The following STARD8 variants were observed in gnomAD, a reference collection of about 807,000 sequenced individuals.
The protein encoded by STARD8 is StAR related lipid transfer domain containing 8.
Under a neutral mutation model 69.4 loss-of-function variants are expected in STARD8, and 25 were observed. The ratio of observed to expected loss-of-function variants is 0.36; its 90% confidence interval spans 0.26 to 0.50. The LOEUF (loss-of-function observed/expected upper bound fraction) is 0.50, where lower values mean the gene tolerates loss of function less well. STARD8 is among the 20% of genes least tolerant of loss of function. The pLI is 0.96. For missense variants in STARD8, 921 were observed against 932.5 expected, an observed-to-expected ratio of 0.99 and a Z score of 0.16; for synonymous variants, 389 against 374.6, an observed-to-expected ratio of 1.04 and a Z score of -0.45.
chrX:68,652,981 A>C (rs1476801403), intron 1 of STARD8, among the ~76,000 whole-genome samples: 2 of 47,206 alleles, frequency 4.2e-5, no homozygotes, highest in African/African-American at 8.9e-5. Context: ...ACCACACACC[A>C]CACACACACC....
Position 68,718,275 on chromosome X carries a change from C to T in STARD8, c.1361C>T (p.Ala454Val). Reference protein sequence around the residue: ...MEVPAHGESPAWAQAEVQPAV... With the variant: ...MEVPAHGESPVWAQAEVQPAV... ...GTTCCGGCCCATGGAGAGTCCCCAG[C>T]CTGGGCCCAGGCTGAAGTCCAGCCA... is the stretch of plus-strand genomic sequence containing the variant. The change falls in exon 6 of 15, where the codon GCC becomes GTC. Residue 454 changes from alanine (A) to valine (V), a missense_variant. Physicochemically the swap from Ala to Val is moderately conservative, Grantham distance 64. Transcript: ENST00000374599. 1 of 1,211,133 alleles carries T rather than the reference C, an allele frequency of 8.3e-7. No homozygotes were observed.
intron 2 of STARD8, among the ~76,000 whole-genome samples, chrX:68,680,131 G>A (rs999550465): frequency 2.7e-5 from 3 of 111,676 alleles, no homozygotes; most frequent in Admixed American, 9.5e-5. Flanking sequence ...GAACTTCTTC[G>A]AGAACTCAGG....
Position 68,720,403 on chromosome X carries a change from C to A in STARD8, c.2029C>A (p.Arg677Ser), listed in dbSNP as rs752356273. The change falls in exon 8 of 15, where the codon CGC becomes AGC. Residue 677 changes from arginine to serine, a missense_variant. Arg to Ser is a moderately radical substitution (Grantham distance 110). Coordinates refer to ENST00000374599, the MANE Select transcript of STARD8 (RefSeq NM_001142503.3). ...QSIQQAMRYLRSQCLDQVGIF... is the reference protein window; with the variant it reads ...QSIQQAMRYLSSQCLDQVGIF... ...CATTCAGCAAGCCATGCGCTACTTG[C>A]GCAGCCAGTGCCTGGACCAAGTGAG... 1 of 1,185,860 alleles carries A rather than the reference C, an allele frequency of 8.4e-7. No individual in the cohort carries two copies. Among genetic ancestry groups the A allele is most frequent in the Non-Finnish European group, 1.1e-6 (1 of 881,090 alleles).
chrX:68,692,745 G>A (rs1320232295), intron 2 of STARD8, among the ~76,000 whole-genome samples: 1 of 112,695 alleles, frequency 8.9e-6, no homozygotes, highest in Admixed American at 9.3e-5. Context: ...TGTTATCCTA[G>A]CTACTCAGGA....
chrX:68,680,984 A>C (rs946350941), intron 2 of STARD8, among the ~76,000 whole-genome samples: 4 of 111,069 alleles, frequency 3.6e-5, no homozygotes, highest in Non-Finnish European at 7.5e-5. Flanking sequence ...GTTCTATGAC[A>C]TGTCATCTAG....
chrX:68,689,417 CG>C (rs1225670125), intron 2 of STARD8, among the ~76,000 whole-genome samples: 1 of 111,905 alleles, frequency 8.9e-6, no homozygotes, highest in Non-Finnish European at 1.9e-5. Context: ...TGTCATGGCC[CG>C]GGGGGTCTAC....
At chrX:68,679,010 C>G (rs956317698) in intron 2 of STARD8, among the ~76,000 whole-genome samples, 26 of 111,782 alleles carry the variant, frequency 2.3e-4, no homozygotes, top group Admixed American at 3.8e-4. Context: ...TGAACAATGC[C>G]TGGCACATAG....
intron 2 of STARD8, among the ~76,000 whole-genome samples, chrX:68,692,556 G>A (rs146098427): frequency 2.7e-5 from 3 of 112,399 alleles, no homozygotes; most frequent in Non-Finnish European, 5.6e-5. Flanking sequence ...TTAGATGGAT[G>A]CAGTTCCTGC....
chrX:68,649,137 T>A (rs1250379445), intron 1 of STARD8, among the ~76,000 whole-genome samples: 1 of 111,575 alleles, frequency 9.0e-6, no homozygotes, highest in Non-Finnish European at 1.9e-5. Context: ...GAAGGAAAGA[T>A]CCATTCCACC....
chrX:68,681,130 C>T (rs759271326), intron 2 of STARD8, among the ~76,000 whole-genome samples: 1 of 111,332 alleles, frequency 9.0e-6, no homozygotes, highest in Non-Finnish European at 1.9e-5. Flanking sequence ...AAGACTTGGC[C>T]GCAAAGGGCT....
At chrX:68,693,559 C>A in intron 2 of STARD8, 1 of 683,732 alleles carries the variant, frequency 1.5e-6, no homozygotes, top group Non-Finnish European at 1.7e-6. Context: ...GTCCGGTGGG[C>A]CAGACTGCGC....
chrX:68,668,082 T>TTTCTTTC (rs1268414336), intron 2 of STARD8, among the ~76,000 whole-genome samples: 7 of 94,263 alleles, frequency 7.4e-5, no homozygotes, highest in Non-Finnish European at 1.5e-4. Flanking sequence ...TCTTTCTTTC[T>TTTCTTTC]TTCTTTCTTT....
At chrX:68,654,110 G>A (rs1374550385) in intron 1 of STARD8, among the ~76,000 whole-genome samples, 1 of 111,366 alleles carries the variant, frequency 9.0e-6, no homozygotes, top group Non-Finnish European at 1.9e-5. Context: ...GCCCTTGGAG[G>A]TCATCTATTC....
chrX:68,660,756 G>C (rs772776320), intron 1 of STARD8, among the ~76,000 whole-genome samples: 82 of 112,767 alleles, frequency 7.3e-4, no homozygotes, highest in African/African-American at 2.5e-3. Flanking sequence ...GTACGTACAA[G>C]TGGCCAAAGC....
intron 2 of STARD8, among the ~76,000 whole-genome samples, chrX:68,671,203 G>T (rs950569153): frequency 1.8e-5 from 2 of 112,175 alleles, no homozygotes; most frequent in African/African-American, 3.2e-5. Flanking sequence ...TTCCCACCTC[G>T]TTCCTATATT....
rs760647701 is a variant in STARD8, at chrX:68,679,669, C to T, written c.79+14137C>T. On this transcript the variant is annotated intron_variant, in intron 2 of 14. Coordinates refer to ENST00000374599, the MANE Select transcript of STARD8 (RefSeq NM_001142503.3). ...TCATATGCTGCTGGGGCCATGCAGA[C>T]GTCAAGATGAGACAAAGCCCTATCC... 3.1e-4 allele frequency among the ~76,000 whole-genome samples: 35 copies of T among 112,168 alleles called. 1 individual carries two copies. Among genetic ancestry groups the T allele is most frequent in the Admixed American group, 2.3e-3 (24 of 10,614 alleles).
At chrX:68,705,925 G>T (rs963321179) in intron 2 of STARD8, among the ~76,000 whole-genome samples, 1 of 112,545 alleles carries the variant, frequency 8.9e-6, no homozygotes, top group Admixed American at 9.3e-5. Context: ...TTGAGAGAGG[G>T]ATGTTATACA....
chrX:68,722,148 A>G lies in STARD8; in HGVS notation c.2561A>G (p.Lys854Arg), dbSNP rs1163224154. The G allele has an allele frequency of 1.4e-5, 17 of 1,203,548 alleles. No individual in the cohort carries two copies. Among genetic ancestry groups the G allele is most frequent in the Non-Finnish European group, 1.9e-5 (17 of 889,268 alleles). ...QGLSHMISDCKKLFQVPQDMV... is the reference protein window; with the variant it reads ...QGLSHMISDCRKLFQVPQDMV... ...CTGTCGCACATGATCAGTGACTGCA[A>G]GAAACTTTTCCAGGTGAGTAACCCC... is the stretch of plus-strand genomic sequence containing the variant. Residue 854 changes from lysine (K) to arginine (R), a missense_variant, in exon 11 of 15, where the codon AAG (lysine) becomes AGG (arginine). Lys to Arg is a conservative substitution (Grantham distance 26). Transcript: ENST00000374599.
At chrX:68,719,535 G>T in intron 7 of STARD8, 137 bp downstream of exon 7, 1 of 713,216 alleles carries the variant, frequency 1.4e-6, no homozygotes, top group Non-Finnish European at 1.9e-6. Flanking sequence ...CCAGGAGGCT[G>T]GAGGGGCTTG....
Sources: gnomAD v4.1 joint callset for allele counts (sites outside exome capture counted in the v4.1 genomes callset) on GRCh38, gnomAD v4.1.1 for gene constraint, MANE v1.5 for transcripts, NCBI Gene and HGNC (gene_info 2026-07-23, HGNC 2026-07-21) for gene names.